ATP11A: variants seen among roughly 807,000 people sequenced by gnomAD.
ATP11A encodes ATPase phospholipid transporting 11A, also known as phospholipid-transporting ATPase IH.
A neutral mutation model predicts 154.4 loss-of-function variants in ATP11A; 81 were observed. The observed-to-expected ratio is 0.52, with a 90% CI of 0.44 to 0.63. The LOEUF (loss-of-function observed/expected upper bound fraction) is 0.63, where lower values mean the gene tolerates loss of function less well. Ranked by LOEUF, ATP11A falls within the 30% of genes least tolerant of loss-of-function variation. The probability of loss-of-function intolerance (pLI) is 0.00; values close to 1 mark genes in which losing one functional copy is unlikely to be tolerated. For synonymous variants in ATP11A, 623 were observed against 585.9 expected, an observed-to-expected ratio of 1.06 and a Z score of -0.91; for missense variants, 1,316 against 1,474.3, an observed-to-expected ratio of 0.89 and a Z score of 1.76.
rs577829359 is a variant in ATP11A at position 112,696,123 on chromosome 13, T to G, written c.39+5668T>G. On this transcript the variant is annotated intron_variant, in intron 1 of 29. Coordinates refer to ENST00000375645, the MANE Select transcript of ATP11A (RefSeq NM_015205.3). The surrounding 1 kb of genome is among the most constrained non-coding windows in gnomAD (Gnocchi z 6.2). ...TACGCTTGGTGCCCCATCTGCAAGG[T>G]GGGGACTATGATGGTGCCCACCTGG... Among the ~76,000 whole-genome samples the G allele has an allele frequency of 6.6e-6, 1 of 152,146 alleles. No individual in the cohort carries two copies. The highest frequency in any genetic ancestry group is 2.1e-4 in the South Asian group (1 of 4,820).
At chr13:112,828,735 G>A (rs2079013029) in intron 12 of ATP11A, among the ~76,000 whole-genome samples, 1 of 152,214 alleles carries the variant, frequency 6.6e-6, no homozygotes, top group Non-Finnish European at 1.5e-5. Flanking sequence ...CCAGCTTGGA[G>A]GCTGACCTCC....
At chr13:112,842,411 G>T (rs371723813) in intron 17 of ATP11A, 32 bp downstream of exon 17, 5 of 1,480,534 alleles carry the variant, frequency 3.4e-6, no homozygotes, top group Non-Finnish European at 4.7e-6. Context: ...GCCTCGTGGC[G>T]GTCAGCTCCC....
At chr13:112,842,788 T>G (rs1332073361) in intron 17 of ATP11A, among the ~76,000 whole-genome samples, 1 of 152,282 alleles carries the variant, frequency 6.6e-6, no homozygotes, top group Non-Finnish European at 1.5e-5. Flanking sequence ...TGTTGTGACA[T>G]CACCTGTTTG....
At position 112,864,041 on chromosome 13, in the gene ATP11A, G is replaced by T. The variant is rs1446963105; in HGVS notation, c.2991+1466G>T. On this transcript the variant is annotated intron_variant, in intron 25 of 29. Coordinates refer to ENST00000375645, the MANE Select transcript of ATP11A (RefSeq NM_015205.3). ...TGCAGCACGTGCAGCTTCTCAGCAG[G>T]GTCCATCACCACCTGCACAGTAATT... 2.5e-5 allele frequency among the ~76,000 whole-genome samples: 2 copies of T among 79,674 alleles called. 1 individual carries two copies. The highest frequency in any genetic ancestry group is 5.0e-5 in the Non-Finnish European group (2 of 39,608). The allele number at this position is 79,674 out of a possible 152,430, so 52.3% of individuals were successfully genotyped here.
In ATP11A at chr13:112,723,515, G is replaced by A. The variant is rs184895947; in HGVS notation, c.39+33060G>A. On this transcript the variant is annotated intron_variant, in intron 1 of 29. Coordinates refer to ENST00000375645, the MANE Select transcript of ATP11A (RefSeq NM_015205.3). ...TCAAACTCCTAACCTCAGGTGATCC[G>A]CCTGCCTTGTCCTCCCCAAGTGCTG... is the stretch of plus-strand genomic sequence containing the variant. Among the ~76,000 whole-genome samples, 131 of 149,956 alleles carry A rather than the reference G, an allele frequency of 8.7e-4. No individual in the cohort carries two copies. The East Asian group carries it at 0.018, about 20-fold the overall frequency.
chr13:112,754,084 G>A lies in ATP11A; in HGVS notation c.40-31051G>A, dbSNP rs2076759681. Among the ~76,000 whole-genome samples, 3 of 152,246 alleles carry A rather than the reference G, an allele frequency of 2.0e-5. No homozygotes were observed. Among genetic ancestry groups the A allele is most frequent in the South Asian group, 4.1e-4 (2 of 4,826 alleles). ...CCCCAGTGTTTTGGGATTGAGGAGG[G>A]GTTCGGCTTCACTCTCTTCAGCGCC... is the stretch of plus-strand genomic sequence containing the variant. On this transcript the variant is annotated intron_variant, in intron 1 of 29. Transcript: ENST00000375645. This position sits in a 1 kb window ranked among gnomAD's most constrained non-coding sequence, Gnocchi z 5.3.
intron 1 of ATP11A, among the ~76,000 whole-genome samples, chr13:112,758,612 A>G (rs985782854): frequency 6.6e-6 from 1 of 151,424 alleles, no homozygotes; most frequent in Non-Finnish European, 1.5e-5. Context: ...TTTAGTAGAG[A>G]TGGGGTTTCA....
At position 112,828,899 on chromosome 13, in the gene ATP11A, T is replaced by C. The variant is rs116811309; in HGVS notation, c.1221+2008T>C. On this transcript the variant is annotated intron_variant, in intron 12 of 29. Transcript: ENST00000375645. Reference sequence around the variant, plus strand: ...TGCAGTACGATAACACGACTTCTTTTGTATGTGAAATAGATTCACCCACCA... The same window carrying C: ...TGCAGTACGATAACACGACTTCTTTCGTATGTGAAATAGATTCACCCACCA... Among the ~76,000 whole-genome samples, 682 of 152,336 alleles carry C rather than the reference T, an allele frequency of 4.5e-3. 3 individuals are homozygous for C. Among genetic ancestry groups the C allele is most frequent in the African/African-American group, 0.015 (640 of 41,568 alleles).
chr13:112,708,771 G>T (rs60595464), intron 1 of ATP11A, among the ~76,000 whole-genome samples: 1 of 152,150 alleles, frequency 6.6e-6, no homozygotes, highest in Non-Finnish European at 1.5e-5. Context: ...ACCCCTGCCC[G>T]ACAAGCCTGT....
At chr13:112,870,236 A>G (rs871388) in intron 25 of ATP11A, among the ~76,000 whole-genome samples, 60,511 of 151,750 alleles carry the variant, frequency 0.4, 12,242 homozygotes, top group Middle Eastern at 0.47. Context: ...ACTTTTTTCT[A>G]TAATCTACAA....
At chr13:112,724,123 TCCCCCATCGCCCCCTTCA>T (rs1226377755) in intron 1 of ATP11A, among the ~76,000 whole-genome samples, 5 of 36,804 alleles carry the variant, frequency 1.4e-4, no homozygotes, top group Admixed American at 3.9e-4. Context: ...CGCCCCCTTC[TCCCCCATCGCCCCCTTCA>T]CCCCCTTTGC....
chr13:112,881,076 A>T, intron 29 of ATP11A: 1 of 987,420 alleles, frequency 1.0e-6, no homozygotes, highest in Non-Finnish European at 1.2e-6. Flanking sequence ...TGCCAGCCGG[A>T]GCACATAGCT....
chr13:112,720,603 G>A (rs1889044026), intron 1 of ATP11A, among the ~76,000 whole-genome samples: 1 of 152,102 alleles, frequency 6.6e-6, no homozygotes, highest in South Asian at 2.1e-4. Flanking sequence ...CTGTCGCCAG[G>A]CTGGAGTACA....
At chr13:112,763,029 G>A (rs1192009345) in intron 1 of ATP11A, among the ~76,000 whole-genome samples, 1 of 152,256 alleles carries the variant, frequency 6.6e-6, no homozygotes, top group Non-Finnish European at 1.5e-5. Context: ...GACAGACGCA[G>A]AAAAGCGCAT....
chr13:112,791,511 C>T (rs905299842), intron 2 of ATP11A, among the ~76,000 whole-genome samples: 15 of 152,248 alleles, frequency 9.9e-5, no homozygotes, highest in Admixed American at 6.5e-4. Context: ...CCTGGTACCC[C>T]TGGCAGGGGC....
intron 25 of ATP11A, among the ~76,000 whole-genome samples, chr13:112,867,715 G>A (rs2080383277): frequency 6.6e-6 from 1 of 152,156 alleles, no homozygotes; most frequent in Non-Finnish European, 1.5e-5. Flanking sequence ...GCTATGTCCT[G>A]GAAGGTACCT....
At position 112,834,626 on chromosome 13, in the gene ATP11A, A is replaced by T; in HGVS notation, c.1597A>T (p.Met533Leu). ...CTACCTAAGGCTGAAGGACAATTAC[A>T]TGGAGATATTAAACAGGGAGAACCA... The part of the protein sequence containing the change: ...FTYLRLKDNY[M>L]EILNRENHIE... Residue 533 changes from methionine to leucine, a missense_variant, in exon 15 of 30, where the codon ATG (methionine) becomes TTG (leucine). Around this residue, in one of 5 missense-constraint regions of ATP11A, gnomAD observed 876 missense variants for 1,006.8 expected, o/e 0.87. Coordinates refer to ENST00000375645, the MANE Select transcript of ATP11A (RefSeq NM_015205.3). 6.2e-7 allele frequency: 1 copy of T among 1,614,024 alleles called. No homozygotes were observed. The highest frequency in any genetic ancestry group is 8.5e-7 in the Non-Finnish European group (1 of 1,179,886).
chr13:112,745,121 G>C (rs1031344407), intron 1 of ATP11A, among the ~76,000 whole-genome samples: 1 of 152,232 alleles, frequency 6.6e-6, no homozygotes, highest in Non-Finnish European at 1.5e-5. Context: ...CTGGAGTGCA[G>C]TGGTGCCATC....
intron 25 of ATP11A, among the ~76,000 whole-genome samples, chr13:112,864,360 A>G (rs2080241166): frequency 9.1e-6 from 1 of 110,414 alleles, no homozygotes; most frequent in African/African-American, 3.2e-5. Context: ...GCAGCTTCCC[A>G]GCGGGGATCA....
Sources: allele counts gnomAD v4.1 joint callset (sites outside exome capture counted in the v4.1 genomes callset), GRCh38; gene constraint gnomAD v4.1.1; regional missense constraint gnomAD v4.1.1; non-coding constraint Gnocchi (gnomAD v3.1); transcripts MANE v1.5; gene names NCBI Gene and HGNC (gene_info 2026-07-23, HGNC 2026-07-21).